ADGRV1: variants seen among roughly 807,000 people sequenced by gnomAD.
ADGRV1 encodes the protein G-protein coupled receptor 98.
Under a neutral mutation model 596.2 loss-of-function variants are expected in ADGRV1, and 359 were observed. The observed-to-expected ratio is 0.60, with a 90% CI of 0.55 to 0.66. The LOEUF is 0.66. Ranked by LOEUF, ADGRV1 falls within the 30% of genes least tolerant of loss-of-function variation. The probability of loss-of-function intolerance (pLI) is 0.00; values close to 1 mark genes in which losing one functional copy is unlikely to be tolerated. For missense variants in ADGRV1, 7,274 were observed against 7,575.6 expected (o/e 0.96, Z 1.48); for synonymous variants, 2,681 against 2,679.2 (o/e 1.00, Z -0.02).
At chr5:90,595,013 C>T (rs531863911) in intron 1 of ADGRV1, among the ~76,000 whole-genome samples, 31 of 136,128 alleles carry the variant, frequency 2.3e-4, no homozygotes, top group African/African-American at 4.9e-4. Flanking sequence ...ACCTCCCAGA[C>T]GGGGTGGTGG....
intron 85 of ADGRV1, among the ~76,000 whole-genome samples, chr5:90,999,136 G>A (rs1290841837): frequency 6.6e-6 from 1 of 151,836 alleles, no homozygotes; most frequent in African/African-American, 2.4e-5. Context: ...TGGAGGTGAG[G>A]TGGGCTATAT....
chr5:90,646,212 ATATT>A (rs1193591038), intron 16 of ADGRV1, 121 bp downstream of exon 16: 2 of 457,834 alleles, frequency 4.4e-6, no homozygotes, highest in Non-Finnish European at 6.6e-6. Context: ...ATATACATAT[ATATT>A]TAGCAATTTT....
chr5:90,683,438 A>T, intron 27 of ADGRV1, 148 bp from the exon 28 acceptor site: 1 of 638,230 alleles, frequency 1.6e-6, no homozygotes. Context: ...GATGGATAGT[A>T]TATGACCCCT....
At chr5:91,061,836 GCATCTT>G (rs1402191679) in intron 85 of ADGRV1, among the ~76,000 whole-genome samples, 1 of 152,188 alleles carries the variant, frequency 6.6e-6, no homozygotes, top group African/African-American at 2.4e-5. Flanking sequence ...GTGATCCTGT[GCATCTT>G]CAAGAGCAAT....
intron 87 of ADGRV1, among the ~76,000 whole-genome samples, chr5:91,112,504 A>G (rs1792462440): frequency 6.6e-6 from 1 of 152,204 alleles, no homozygotes; most frequent in Non-Finnish European, 1.5e-5. Context: ...GATTTAAACT[A>G]AACAAGATGC....
chr5:90,888,210 A>G (rs1770481668), intron 83 of ADGRV1, among the ~76,000 whole-genome samples: 1 of 152,196 alleles, frequency 6.6e-6, no homozygotes, highest in Non-Finnish European at 1.5e-5. Flanking sequence ...GTAGCATTAA[A>G]TAATGTTTTC....
In ADGRV1 at chr5:90,580,159, G is replaced by A. The variant is rs527272054; in HGVS notation, c.22+21242G>A. Among the ~76,000 whole-genome samples the A allele has an allele frequency of 3.8e-4, 58 of 152,266 alleles. 1 individual carries two copies. Among genetic ancestry groups the A allele is most frequent in the African/African-American group, 1.4e-3 (57 of 41,556 alleles). On this transcript the variant is annotated intron_variant, in intron 1 of 89. Coordinates refer to ENST00000405460, the MANE Select transcript of ADGRV1 (RefSeq NM_032119.4). Reference sequence around the variant, plus strand: ...GTGAATTTGATCCTGTCATTATGATGTTAACTAGTTATTTTGCCCATTAAT... The same window carrying A: ...GTGAATTTGATCCTGTCATTATGATATTAACTAGTTATTTTGCCCATTAAT...
chr5:90,616,859 T>C (rs369120195), intron 2 of ADGRV1, among the ~76,000 whole-genome samples: 17 of 152,332 alleles, frequency 1.1e-4, no homozygotes, highest in African/African-American at 3.6e-4. Flanking sequence ...TCCTTCTGTT[T>C]TTGTACTCCT....
At chr5:91,153,862 C>T (rs1390046683) in intron 89 of ADGRV1, among the ~76,000 whole-genome samples, 4 of 152,224 alleles carry the variant, frequency 2.6e-5, no homozygotes, top group Non-Finnish European at 4.4e-5. Flanking sequence ...CTCCTATTTA[C>T]TCAGTCCCAC....
chr5:91,034,532 G>A (rs1290738065), intron 85 of ADGRV1, among the ~76,000 whole-genome samples: 2 of 152,074 alleles, frequency 1.3e-5, no homozygotes, highest in African/African-American at 4.8e-5. Flanking sequence ...TTGAGAGCTT[G>A]GCCTAATTCC....
rs972465196 is a variant in ADGRV1 at position 90,854,226 on chromosome 5, T to A, written c.17594+25T>A. 4 of 1,507,842 alleles carry A rather than the reference T, an allele frequency of 2.7e-6. 1 individual carries two copies. The African/African-American group carries it at 5.6e-5, about 21-fold the overall frequency. 93.4% of individuals were successfully genotyped at this position (1,507,842 alleles called of 1,614,324 possible). A position where few individuals can be genotyped will look rare whatever the true frequency, so the allele number is the denominator to read the frequency against. ...GGTACTTATTAATAAAATAAAAAAA[T>A]CAGAATTTGGTCCTTCCCCATTTCG... On this transcript the variant is annotated intron_variant, in intron 81 of 89. Coordinates refer to ENST00000405460, the MANE Select transcript of ADGRV1 (RefSeq NM_032119.4).
chr5:90,873,253 T>C (rs58729412), intron 83 of ADGRV1, among the ~76,000 whole-genome samples: 37,298 of 152,192 alleles, frequency 0.25, 6,001 homozygotes, highest in East Asian at 0.5. Context: ...CAGAGCCCTA[T>C]TCAGATACCA....
intron 1 of ADGRV1, among the ~76,000 whole-genome samples, chr5:90,574,128 C>T (rs554564133): frequency 6.9e-4 from 104 of 150,450 alleles, no homozygotes; most frequent in African/African-American, 2.5e-3. Context: ...ATTGCTTTGT[C>T]TATTGAGGCT....
In ADGRV1 at chr5:90,841,658, G is replaced by T. The variant is rs562060826; in HGVS notation, c.17019+673G>T. Among the ~76,000 whole-genome samples the T allele has an allele frequency of 2.6e-5, 4 of 152,068 alleles. No homozygotes were observed. The South Asian group carries it at 8.3e-4, about 32-fold the overall frequency. Reference sequence around the variant, plus strand: ...ACTTAAAAAAAAAGCCTCCTTTGGAGGTTTACTTTGGGCTTTCTTATCAAG... The same window carrying T: ...ACTTAAAAAAAAAGCCTCCTTTGGATGTTTACTTTGGGCTTTCTTATCAAG... On this transcript the variant is annotated intron_variant, in intron 78 of 89. Transcript: ENST00000405460.
At chr5:91,024,813 CAT>C (rs1783895662) in intron 85 of ADGRV1, among the ~76,000 whole-genome samples, 1 of 152,118 alleles carries the variant, frequency 6.6e-6, no homozygotes, top group Non-Finnish European at 1.5e-5. Context: ...CTAAGTGACA[CAT>C]GAGACAATTT....
chr5:91,138,466 A>T (rs187126941), intron 87 of ADGRV1, among the ~76,000 whole-genome samples: 133 of 152,268 alleles, frequency 8.7e-4, no homozygotes, highest in African/African-American at 3.1e-3. Flanking sequence ...TAATAAATCA[A>T]TGATTCTATA....
At chr5:90,721,513 A>ATTAAATTAAATTAAATTAAAAT (rs59090796) in intron 45 of ADGRV1, among the ~76,000 whole-genome samples, 2 of 100,058 alleles carry the variant, frequency 2.0e-5, no homozygotes, top group Non-Finnish European at 3.7e-5. Flanking sequence ...AAAAAATAAA[A>ATTAAATTAAATTAAATTAAAAT]TAAAATAAAA....
rs531622120 is a variant in ADGRV1 at position 90,857,799 on chromosome 5, C to T, written c.17755+1898C>T. ...AAGAGAATTTTATATATCTTACATA[C>T]ATATTCTTTATATATCTTATATACA... On this transcript the variant is annotated intron_variant, in intron 82 of 89. Coordinates refer to ENST00000405460, the MANE Select transcript of ADGRV1 (RefSeq NM_032119.4). 2.4e-3 allele frequency among the ~76,000 whole-genome samples: 368 copies of T among 152,226 alleles called. 2 individuals are homozygous for T. Among genetic ancestry groups the T allele is most frequent in the Admixed American group, 3.9e-3 (60 of 15,282 alleles).
At chr5:90,837,217 A>G (rs1437301869) in intron 77 of ADGRV1, among the ~76,000 whole-genome samples, 2 of 152,192 alleles carry the variant, frequency 1.3e-5, no homozygotes, top group Admixed American at 6.5e-5. Context: ...AAATAGACCT[A>G]TAGCTAAAAA....
Sources: allele counts gnomAD v4.1 joint callset (sites outside exome capture counted in the v4.1 genomes callset), GRCh38; gene constraint gnomAD v4.1.1; transcripts MANE v1.5; gene names NCBI Gene and HGNC (gene_info 2026-07-23, HGNC 2026-07-21).